The following CSMD2 variants were observed in gnomAD, a reference collection of about 807,000 sequenced individuals.
The protein encoded by CSMD2 is CUB and sushi domain-containing protein 2.
Under a neutral mutation model 398.5 loss-of-function variants are expected in CSMD2, and 130 were observed. The observed-to-expected ratio is 0.33, with a 90% CI of 0.28 to 0.38. The LOEUF (loss-of-function observed/expected upper bound fraction) is 0.38, where lower values mean the gene tolerates loss of function less well. Ranked by LOEUF, CSMD2 falls within the 10% of genes least tolerant of loss-of-function variation. CSMD2 has a pLI of 1.00. For synonymous variants in CSMD2, 1,828 were observed against 1,908.5 expected (o/e 0.96, Z 1.10); for missense variants, 3,829 against 4,764.9 (o/e 0.80, Z 5.78).
At chr1:34,147,924 G>A (rs544504044) in intron 1 of CSMD2, among the ~76,000 whole-genome samples, 9 of 152,182 alleles carry the variant, frequency 5.9e-5, no homozygotes, top group Non-Finnish European at 1.2e-4. Flanking sequence ...GGGTGAGGCT[G>A]CCACAGAGAT....
intron 13 of CSMD2, among the ~76,000 whole-genome samples, chr1:33,758,769 T>C (rs374776868): frequency 3.9e-5 from 6 of 152,296 alleles, no homozygotes; most frequent in African/African-American, 1.4e-4. Context: ...CCCACGGAAT[T>C]GTGAGTGGAC....
At chr1:33,690,024 G>A (rs891904496) in intron 25 of CSMD2, among the ~76,000 whole-genome samples, 15 of 151,786 alleles carry the variant, frequency 9.9e-5, no homozygotes, top group East Asian at 3.9e-4. Flanking sequence ...TGGCCTCCTC[G>A]TCCCCAGCCA....
Position 33,550,331 on chromosome 1 carries a change from C to T in CSMD2, c.8763G>A (p.Pro2921=), listed in dbSNP as rs141501015. 13 of 1,613,840 alleles carry T rather than the reference C, an allele frequency of 8.1e-6. No homozygotes were observed. The highest frequency in any genetic ancestry group is 4.5e-5 in the East Asian group (2 of 44,892). Reference sequence around the variant, plus strand: ...ACATCTGGGAGTGAGGCGGGGAGCCCGGATGGCCACAGGACACCACTGTGG... The same window carrying T: ...ACATCTGGGAGTGAGGCGGGGAGCCTGGATGGCCACAGGACACCACTGTGG... The part of the protein sequence containing the change: ...PQCLLVSCGH[P]GSPPHSQMSG... The change falls in exon 56 of 71, where the codon CCG becomes CCA. Residue 2921 remains proline (P), a synonymous_variant. Transcript: ENST00000373381.
chr1:33,897,876 C>T (rs1318802592), intron 5 of CSMD2, among the ~76,000 whole-genome samples: 1 of 152,200 alleles, frequency 6.6e-6, no homozygotes, highest in Non-Finnish European at 1.5e-5. Flanking sequence ...CCCAGAGACC[C>T]GACGGAGGAG....
intron 29 of CSMD2, among the ~76,000 whole-genome samples, chr1:33,643,976 C>T (rs577682000): frequency 2.6e-5 from 4 of 152,252 alleles, no homozygotes; most frequent in African/African-American, 9.6e-5. Context: ...TTCCAACAGG[C>T]ACCCCCTACC....
chr1:33,694,011 A>T (rs774159763), intron 24 of CSMD2, among the ~76,000 whole-genome samples: 1 of 152,192 alleles, frequency 6.6e-6, no homozygotes, highest in Non-Finnish European at 1.5e-5. Context: ...GTGAACCGAG[A>T]TCGCACCATT....
At chr1:33,747,183 TA>T (rs1314317600) in intron 13 of CSMD2, among the ~76,000 whole-genome samples, 6 of 152,094 alleles carry the variant, frequency 3.9e-5, no homozygotes, top group African/African-American at 1.4e-4. Context: ...ACAAAAAGCA[TA>T]AAAAAAGATT....
intron 65 of CSMD2, 77 bp downstream of exon 65, chr1:33,527,119 G>A: frequency 7.5e-7 from 1 of 1,332,388 alleles, no homozygotes. Context: ...GCAACTCTCA[G>A]CAACACGAGT....
At chr1:34,098,414 A>T (rs1659610811) in intron 1 of CSMD2, among the ~76,000 whole-genome samples, 1 of 150,492 alleles carries the variant, frequency 6.6e-6, no homozygotes. Flanking sequence ...AAAGTATAAT[A>T]ATAAAAAAAT....
intron 64 of CSMD2, among the ~76,000 whole-genome samples, chr1:33,530,422 T>C (rs528343116): frequency 9.0e-4 from 137 of 152,270 alleles, no homozygotes; most frequent in South Asian, 5.2e-3. Context: ...AGAAGGACTA[T>C]TATAAATAAG....
chr1:33,537,109 A>G lies in CSMD2; in HGVS notation c.9806-14T>C, dbSNP rs201778509. The G allele has an allele frequency of 3.2e-5, 52 of 1,613,954 alleles. No homozygotes were observed. In the East Asian group the frequency reaches 1.0e-3, roughly 32 times the overall value. ...TCAGGGTCGGATCTGGATGGCCAAA[A>G]CAAAGACACAGATCACATGGTCATG... On this transcript the variant is annotated splice_polypyrimidine_tract_variant and intron_variant, in intron 61 of 70. Coordinates refer to ENST00000373381, the MANE Select transcript of CSMD2 (RefSeq NM_001281956.2). This position sits in a 1 kb window ranked among gnomAD's most constrained non-coding sequence, Gnocchi z 4.6.
intron 15 of CSMD2, among the ~76,000 whole-genome samples, chr1:33,736,826 C>A (rs1646902919): frequency 6.6e-6 from 1 of 152,066 alleles, no homozygotes; most frequent in Admixed American, 6.5e-5. Context: ...AGAAAGTGGT[C>A]CAGTGGTGGT....
intron 55 of CSMD2, among the ~76,000 whole-genome samples, chr1:33,556,227 T>C (rs1303684941): frequency 6.6e-6 from 1 of 152,200 alleles, no homozygotes; most frequent in Non-Finnish European, 1.5e-5. Flanking sequence ...GGGCTGTGAC[T>C]CTCAGCTGGC....
rs541756471 is a variant in CSMD2, at chr1:33,533,961, C to T, written c.9880-54G>A. ...CCCTTCCTTTCAGCGGTGCTTCCTA[C>T]GTCTGTCCCTTGACCACTTTCACAT... On this transcript the variant is annotated intron_variant, in intron 62 of 70. Transcript: ENST00000373381. The surrounding 1 kb of genome is among the most constrained non-coding windows in gnomAD (Gnocchi z 4.2). 6.0e-5 allele frequency: 69 copies of T among 1,150,784 alleles called. No individual in the cohort carries two copies. In the African/African-American group the frequency reaches 8.2e-4, roughly 14 times the overall value. 71.3% of individuals were successfully genotyped at this position (1,150,784 alleles called of 1,614,324 possible).
intron 3 of CSMD2, among the ~76,000 whole-genome samples, chr1:34,027,685 T>C (rs1198344917): frequency 2.0e-5 from 3 of 152,220 alleles, no homozygotes; most frequent in African/African-American, 7.2e-5. Context: ...CTACTTTTAT[T>C]AACACAGAAA....
At chr1:33,594,720 G>A (rs748434067) in intron 44 of CSMD2, among the ~76,000 whole-genome samples, 1 of 152,000 alleles carries the variant, frequency 6.6e-6, no homozygotes, top group Non-Finnish European at 1.5e-5. Flanking sequence ...AGATTTTCAG[G>A]TTTGTCCTCC....
At chr1:33,659,241 A>T (rs1644049028) in intron 26 of CSMD2, among the ~76,000 whole-genome samples, 1 of 152,232 alleles carries the variant, frequency 6.6e-6, no homozygotes, top group African/African-American at 2.4e-5. Context: ...CATAAATAGG[A>T]GAATGAGTGG....
intron 1 of CSMD2, among the ~76,000 whole-genome samples, chr1:34,105,065 C>T (rs1468276213): frequency 6.6e-6 from 1 of 152,210 alleles, no homozygotes; most frequent in Non-Finnish European, 1.5e-5. Flanking sequence ...ACCCCCATCT[C>T]CCTATTTCGT....
At chr1:33,976,209 T>A (rs2147937688) in intron 3 of CSMD2, among the ~76,000 whole-genome samples, 1 of 152,202 alleles carries the variant, frequency 6.6e-6, no homozygotes. Flanking sequence ...GAAGGGGAGC[T>A]CATCTGTCTT....
Sources: gnomAD v4.1 joint callset for allele counts (sites outside exome capture counted in the v4.1 genomes callset) on GRCh38, gnomAD v4.1.1 for gene constraint, Gnocchi (gnomAD v3.1) non-coding constraint, MANE v1.5 for transcripts, NCBI Gene and HGNC (gene_info 2026-07-23, HGNC 2026-07-21) for gene names.